ASS1: variants seen among roughly 807,000 people sequenced by gnomAD.
ASS1 encodes argininosuccinate synthase.
ASS1 carries 58 observed loss-of-function variants against 60.5 expected under a neutral mutation model. That is an observed-to-expected ratio of 0.96 (90% CI 0.78 to 1.19). ASS1 has a LOEUF of 1.19. Among genes scored for constraint, ASS1 ranks in the 50% most tolerant of loss-of-function variants. The probability of loss-of-function intolerance (pLI) is 0.00; values close to 1 mark genes in which losing one functional copy is unlikely to be tolerated. For synonymous variants in ASS1, 200 were observed against 206.9 expected (o/e 0.97, Z 0.29); for missense variants, 454 against 547.3 (o/e 0.83, Z 1.70).
chr9:130,457,878 G>C (rs996068365), intron 3 of ASS1, among the ~76,000 whole-genome samples: 2 of 152,198 alleles, frequency 1.3e-5, no homozygotes, highest in African/African-American at 2.4e-5. Context: ...TGATTAGCAG[G>C]CTGGCCGCGG....
Position 130,478,034 on chromosome 9 carries a change from A to G in ASS1, c.688+1073A>G, listed in dbSNP as rs1341236930. On this transcript the variant is annotated intron_variant, in intron 9 of 14. Transcript: ENST00000352480. This position sits in a 1 kb window ranked among gnomAD's most constrained non-coding sequence, Gnocchi z 4.7. ...CTTCACCATGCTGGGCCTTGGGTGC[A>G]CTCATCAAAAAACGGACCACAGGCA... Among the ~76,000 whole-genome samples, 1 of 152,110 alleles carries G rather than the reference A, an allele frequency of 6.6e-6. No individual in the cohort carries two copies. The highest frequency in any genetic ancestry group is 6.5e-5 in the Admixed American group (1 of 15,278).
At chr9:130,455,102 CGTCT>C (rs1845418549) in intron 3 of ASS1, among the ~76,000 whole-genome samples, 1 of 151,046 alleles carries the variant, frequency 6.6e-6, no homozygotes, top group Non-Finnish European at 1.5e-5. Flanking sequence ...AGCCATCATC[CGTCT>C]ATCCATCCAT....
intron 6 of ASS1, among the ~76,000 whole-genome samples, chr9:130,467,019 C>A (rs190953023): frequency 2.0e-5 from 3 of 152,228 alleles, no homozygotes; most frequent in African/African-American, 7.2e-5. Context: ...AGGGCGGAGC[C>A]GCTCTGAGGC....
At chr9:130,466,701 T>A in intron 5 of ASS1, 24 bp from the exon 6 acceptor site, 2 of 1,611,994 alleles carry the variant, frequency 1.2e-6, no homozygotes, top group Non-Finnish European at 1.7e-6. Context: ...CCCTCCCGGC[T>A]CTGACCCCTT....
intron 11 of ASS1, among the ~76,000 whole-genome samples, chr9:130,484,727 T>C (rs1439396039): frequency 1.3e-5 from 2 of 151,906 alleles, no homozygotes; most frequent in Non-Finnish European, 2.9e-5. Flanking sequence ...CTGTTTTTTT[T>C]TTCCAGAAGA....
intron 11 of ASS1, among the ~76,000 whole-genome samples, chr9:130,484,897 G>C (rs527640572): frequency 1.3e-5 from 2 of 151,990 alleles, no homozygotes; most frequent in African/African-American, 4.8e-5. Context: ...TAACACTTTC[G>C]AAGAAAAGGA....
In ASS1 at chr9:130,477,248, T is replaced by C. The variant is rs1846044962; in HGVS notation, c.688+287T>C. Among the ~76,000 whole-genome samples, 1 of 152,154 alleles carries C rather than the reference T, an allele frequency of 6.6e-6. No individual in the cohort carries two copies. Among genetic ancestry groups the C allele is most frequent in the Non-Finnish European group, 1.5e-5 (1 of 68,024 alleles). ...AGCGCTCTAGTCCCTGAACAGCCAC[T>C]CAACTTTCCTGGGCCTCAGTTTCCT... On this transcript the variant is annotated intron_variant, in intron 9 of 14. Coordinates refer to ENST00000352480, the MANE Select transcript of ASS1 (RefSeq NM_054012.4). This position sits in a 1 kb window ranked among gnomAD's most constrained non-coding sequence, Gnocchi z 4.2.
chr9:130,453,178 GC>G (rs1316657215), intron 2 of ASS1, among the ~76,000 whole-genome samples: 1 of 152,194 alleles, frequency 6.6e-6, no homozygotes, highest in Non-Finnish European at 1.5e-5. Flanking sequence ...CCCCAGTAGG[GC>G]CCATGGGGAC....
chr9:130,461,792 C>T (rs1453074723), intron 4 of ASS1, among the ~76,000 whole-genome samples: 1 of 152,190 alleles, frequency 6.6e-6, no homozygotes, highest in Non-Finnish European at 1.5e-5. Flanking sequence ...CCCTGAGTAA[C>T]CACCCAGCAC....
chr9:130,477,428 G>A lies in ASS1; in HGVS notation c.688+467G>A, dbSNP rs1281076336. On this transcript the variant is annotated intron_variant, in intron 9 of 14. Transcript: ENST00000352480. This position sits in a 1 kb window ranked among gnomAD's most constrained non-coding sequence, Gnocchi z 4.2. The stretch of plus-strand genomic sequence containing the variant: ...CTCATGGACCCCTGGGACCCCACAT[G>A]GAAAGCCTTCGCCAGTCTTCATTGA... Among the ~76,000 whole-genome samples the A allele has an allele frequency of 1.3e-5, 2 of 152,302 alleles. No homozygotes were observed. The highest frequency in any genetic ancestry group is 3.9e-4 in the East Asian group (2 of 5,182).
At position 130,482,271 on chromosome 9, in the gene ASS1, G is replaced by T. The variant is rs1016096376; in HGVS notation, c.838+1822G>T. Among the ~76,000 whole-genome samples the T allele has an allele frequency of 2.7e-4, 41 of 151,946 alleles. 1 individual carries two copies. On this transcript the variant is annotated intron_variant, in intron 11 of 14. Coordinates refer to ENST00000352480, the MANE Select transcript of ASS1 (RefSeq NM_054012.4). Reference sequence around the variant, plus strand: ...CCATAAATAGCCATCAGTCCCCCGGGCATGTGGAATGGGGACAGAAGCAGC... The same window carrying T: ...CCATAAATAGCCATCAGTCCCCCGGTCATGTGGAATGGGGACAGAAGCAGC...
Position 130,473,184 on chromosome 9 carries a change from A to G in ASS1, c.597+1669A>G, listed in dbSNP as rs556149665. On this transcript the variant is annotated intron_variant, in intron 8 of 14. Coordinates refer to ENST00000352480, the MANE Select transcript of ASS1 (RefSeq NM_054012.4). ...ACAGGAAACCCGAGTCTAAATCCCAACTTTTCTTCTTATTGCTGTGCAACC... is the reference window on the plus strand; with the variant it reads ...ACAGGAAACCCGAGTCTAAATCCCAGCTTTTCTTCTTATTGCTGTGCAACC... 1.8e-4 allele frequency among the ~76,000 whole-genome samples: 27 copies of G among 152,218 alleles called. 1 individual carries two copies. The South Asian group carries it at 5.2e-3, about 29-fold the overall frequency.
At chr9:130,490,381 T>A (rs1022148526) in intron 12 of ASS1, among the ~76,000 whole-genome samples, 5 of 152,228 alleles carry the variant, frequency 3.3e-5, no homozygotes, top group African/African-American at 1.2e-4. Flanking sequence ...TGGTGCGATC[T>A]TGGCTCACTG....
rs1481058496 is a variant in ASS1, at chr9:130,476,580, C to T, written c.598-291C>T. 1.9e-6 allele frequency: 1 copy of T among 536,478 alleles called. No individual in the cohort carries two copies. The highest frequency in any genetic ancestry group is 3.4e-6 in the Non-Finnish European group (1 of 296,312). 33.2% of individuals were successfully genotyped at this position (536,478 alleles called of 1,614,324 possible). ...CCTCCAAAGTCACACTTTTTCCTGC[C>T]TGACTTGTTCCTCTCCAGCTATTCT... On this transcript the variant is annotated intron_variant, in intron 8 of 14. Transcript: ENST00000352480. This position sits in a 1 kb window ranked among gnomAD's most constrained non-coding sequence, Gnocchi z 4.9.
In ASS1 at chr9:130,474,383, C is replaced by T. The variant is rs545322698; in HGVS notation, c.598-2488C>T. 8.5e-5 allele frequency among the ~76,000 whole-genome samples: 13 copies of T among 152,284 alleles called. No individual in the cohort carries two copies. The East Asian group carries it at 1.5e-3, about 18-fold the overall frequency. On this transcript the variant is annotated intron_variant, in intron 8 of 14. Transcript: ENST00000352480. The stretch of plus-strand genomic sequence containing the variant: ...ATGCACACACTGTCAGCCTCCACTT[C>T]GGTCTGGGGCTCCCTCAGGAAGTGT...
chr9:130,498,368 G>A (rs1419301938), intron 13 of ASS1, among the ~76,000 whole-genome samples: 2 of 152,150 alleles, frequency 1.3e-5, no homozygotes, highest in South Asian at 2.1e-4. Flanking sequence ...CCTCTCAGAG[G>A]CTCAGAGGCT....
intron 1 of ASS1, chr9:130,445,292 G>A: frequency 1.1e-6 from 1 of 936,274 alleles, no homozygotes; most frequent in Non-Finnish European, 1.3e-6. Flanking sequence ...TGTTCCCTGC[G>A]CAGCCGGGTC....
At chr9:130,471,693 G>C (rs486889) in intron 8 of ASS1, among the ~76,000 whole-genome samples, 178 bp downstream of exon 8, 1 of 149,776 alleles carries the variant, frequency 6.7e-6, no homozygotes, top group Non-Finnish European at 1.5e-5. Context: ...TCTGCCCACC[G>C]TCTCCTCGCT....
rs1845861045 is a variant in ASS1 at position 130,471,334 on chromosome 9, C to T, written c.567-151C>T. On this transcript the variant is annotated intron_variant, in intron 7 of 14. Transcript: ENST00000352480. Reference sequence around the variant, plus strand: ...AGCTCCACGGGTGACTATGGTGGGCCCAGAATGTTTCAGGCAGGTTGGCAG... The same window carrying T: ...AGCTCCACGGGTGACTATGGTGGGCTCAGAATGTTTCAGGCAGGTTGGCAG... 9.4e-6 allele frequency: 9 copies of T among 962,440 alleles called. No individual in the cohort carries two copies. The Admixed American group carries it at 1.6e-4, about 17-fold the overall frequency. The allele number at this position is 962,440 out of a possible 1,614,324, so 59.6% of individuals were successfully genotyped here.
Sources: gnomAD v4.1 joint callset for allele counts (sites outside exome capture counted in the v4.1 genomes callset) on GRCh38, gnomAD v4.1.1 for gene constraint, Gnocchi (gnomAD v3.1) non-coding constraint, MANE v1.5 for transcripts, NCBI Gene and HGNC (gene_info 2026-07-23, HGNC 2026-07-21) for gene names.